MATN2: variants seen among roughly 807,000 people sequenced by gnomAD.
The protein encoded by MATN2 is matrilin 2.
A neutral mutation model predicts 103.2 loss-of-function variants in MATN2; 69 were observed. The observed-to-expected ratio is 0.67, with a 90% CI of 0.55 to 0.82. MATN2 has a LOEUF of 0.82. Among genes scored for constraint, MATN2 ranks in the 40% least tolerant of loss-of-function variants. MATN2 has a pLI of 0.00. For synonymous variants in MATN2, 429 were observed against 450.2 expected (o/e 0.95, Z 0.60); for missense variants, 1,023 against 1,211.5 (o/e 0.84, Z 2.31).
At chr8:98,002,476 G>A (rs1812821195) in intron 7 of MATN2, among the ~76,000 whole-genome samples, 1 of 152,222 alleles carries the variant, frequency 6.6e-6, no homozygotes, top group Non-Finnish European at 1.5e-5. Context: ...ACTGTCAGAT[G>A]TCACTGTAGA....
chr8:97,985,713 C>T (rs949228078), intron 6 of MATN2, among the ~76,000 whole-genome samples: 2 of 152,126 alleles, frequency 1.3e-5, no homozygotes, highest in African/African-American at 4.8e-5. Context: ...ATACTACCGC[C>T]CAGAAAAAAC....
chr8:97,889,561 A>T (rs1215351141), intron 2 of MATN2, among the ~76,000 whole-genome samples: 7 of 150,262 alleles, frequency 4.7e-5, no homozygotes. Flanking sequence ...CTCCCACCAC[A>T]GCCTCTTGAG....
intron 7 of MATN2, among the ~76,000 whole-genome samples, chr8:97,999,448 T>C (rs1812709088): frequency 6.6e-6 from 1 of 152,228 alleles, no homozygotes. Flanking sequence ...CTTTCCCTGA[T>C]GGTGTAATGG....
Position 97,931,509 on chromosome 8 carries a change from G to A in MATN2, c.699G>A (p.Gln233=), listed in dbSNP as rs368966602. The A allele has an allele frequency of 3.7e-6, 6 of 1,606,856 alleles. No homozygotes were observed. The highest frequency in any genetic ancestry group is 5.1e-6 in the Non-Finnish European group (6 of 1,176,948). Residue 233 remains glutamine (Q), a synonymous_variant, in exon 3 of 19, where the codon CAG becomes CAA. Coordinates refer to ENST00000254898, the MANE Select transcript of MATN2 (RefSeq NM_002380.5). The surrounding 1 kb of genome is among the most constrained non-coding windows in gnomAD (Gnocchi z 4.1). ...TTGAGACGCTGACCTCCGTGTTCCA[G>A]AAGAAGTTGTGCAGTAAGTCCTGCT... The part of the protein sequence containing the change: ...SQIETLTSVF[Q]KKLCTAHMCS...
chr8:98,014,925 A>T lies in MATN2; in HGVS notation c.1574-1615A>T, dbSNP rs190834913. ...CATGTCCATTTTAGAAATTCTACTC[A>T]ATCTGAAAGGATTGAGTTAACTTTC... On this transcript the variant is annotated intron_variant, in intron 10 of 18. Coordinates refer to ENST00000254898, the MANE Select transcript of MATN2 (RefSeq NM_002380.5). Among the ~76,000 whole-genome samples the T allele has an allele frequency of 3.3e-5, 5 of 152,300 alleles. No homozygotes were observed. The East Asian group carries it at 9.6e-4, about 29-fold the overall frequency.
rs376658286 is a variant in MATN2, at chr8:97,994,530, A to G, written c.1132A>G (p.Asn378Asp). Residue 378 changes from asparagine to aspartate, a missense_variant, in exon 7 of 19, where the codon AAC becomes GAC. Asn to Asp is a conservative substitution (Grantham distance 23). Coordinates refer to ENST00000254898, the MANE Select transcript of MATN2 (RefSeq NM_002380.5). ...SNHGCQHECV[N>D]TDDSYSCHCL... ...TCACGGATGTCAGCACGAGTGTGTTAACACAGATGATTCCTATTCCTGCCA... is the reference window on the plus strand; with the variant it reads ...TCACGGATGTCAGCACGAGTGTGTTGACACAGATGATTCCTATTCCTGCCA... The G allele has an allele frequency of 2.1e-5, 34 of 1,613,456 alleles. No individual in the cohort carries two copies. The African/African-American group carries it at 4.3e-4, about 20-fold the overall frequency.
intron 1 of MATN2, among the ~76,000 whole-genome samples, chr8:97,880,004 T>C (rs927716498): frequency 1.1e-4 from 17 of 152,114 alleles, no homozygotes; most frequent in African/African-American, 3.6e-4. Context: ...TGTGCATACC[T>C]GGTATGCTGA....
At chr8:97,891,237 G>C (rs1035397211) in intron 2 of MATN2, among the ~76,000 whole-genome samples, 4 of 152,214 alleles carry the variant, frequency 2.6e-5, no homozygotes, top group African/African-American at 9.7e-5. Context: ...CTACATTATA[G>C]CTCAACTCTG....
At chr8:97,975,446 T>C (rs1283285894) in intron 5 of MATN2, among the ~76,000 whole-genome samples, 1 of 152,232 alleles carries the variant, frequency 6.6e-6, no homozygotes, top group African/African-American at 2.4e-5. Flanking sequence ...AGCATAATTA[T>C]GGGATATCCC....
At chr8:97,932,387 G>A (rs1810227890) in intron 3 of MATN2, among the ~76,000 whole-genome samples, 1 of 152,138 alleles carries the variant, frequency 6.6e-6, no homozygotes, top group Non-Finnish European at 1.5e-5. Flanking sequence ...GTATACAGAG[G>A]ACCAAGGTGT....
At chr8:97,920,277 G>A (rs1377780751) in intron 2 of MATN2, among the ~76,000 whole-genome samples, 2 of 152,116 alleles carry the variant, frequency 1.3e-5, no homozygotes, top group African/African-American at 2.4e-5. Context: ...GCGTGATCTC[G>A]ACTCACTGCA....
chr8:98,027,179 C>T lies in MATN2; in HGVS notation c.1943-237C>T, dbSNP rs77954575. ...GTTTCCTAGACAATTGTATATCTGC[C>T]GTTTTGCTTGTGAAAAATACTATTT... On this transcript the variant is annotated intron_variant, in intron 13 of 18. Transcript: ENST00000254898. Among the ~76,000 whole-genome samples, 1,302 of 151,954 alleles carry T rather than the reference C, an allele frequency of 8.6e-3. 20 individuals are homozygous for T. Among genetic ancestry groups the T allele is most frequent in the African/African-American group, 0.03 (1,237 of 41,440 alleles).
At chr8:97,954,213 C>T (rs1166665163) in intron 4 of MATN2, among the ~76,000 whole-genome samples, 2 of 152,146 alleles carry the variant, frequency 1.3e-5, no homozygotes, top group Admixed American at 1.3e-4. Context: ...TCCTGCCCTC[C>T]CCCAGTGGTG....
At position 97,994,568 on chromosome 8, in the gene MATN2, C is replaced by T. The variant is rs770219318; in HGVS notation, c.1170C>T (p.Gly390=). The T allele has an allele frequency of 1.3e-4, 205 of 1,613,460 alleles. No individual in the cohort carries two copies. The highest frequency in any genetic ancestry group is 1.6e-4 in the Middle Eastern group (1 of 6,082). The change falls in exon 7 of 19, where the codon GGC becomes GGT. Residue 390 remains glycine (G), a synonymous_variant. Transcript: ENST00000254898. ...CCTATTCCTGCCACTGCCTGAAAGG[C>T]TTTACCCTGAATCCAGATAAGAAAA... ...DDSYSCHCLK[G]FTLNPDKKTC...
chr8:97,978,661 G>A (rs1393309829), intron 5 of MATN2, among the ~76,000 whole-genome samples: 3 of 152,106 alleles, frequency 2.0e-5, no homozygotes, highest in Non-Finnish European at 4.4e-5. Context: ...TTGTTCACAT[G>A]TTCTTTAGTT....
chr8:97,922,248 C>T (rs571461713), intron 2 of MATN2, among the ~76,000 whole-genome samples: 35 of 152,246 alleles, frequency 2.3e-4, no homozygotes, highest in Middle Eastern at 3.4e-3. Context: ...GGATCCATAC[C>T]GCTTTCACGG....
At chr8:98,018,908 T>C (rs894051084) in intron 12 of MATN2, among the ~76,000 whole-genome samples, 1 of 152,048 alleles carries the variant, frequency 6.6e-6, no homozygotes, top group Non-Finnish European at 1.5e-5. Context: ...ATTATTTTTA[T>C]CATTTGCTTC....
intron 2 of MATN2, among the ~76,000 whole-genome samples, chr8:97,896,784 G>A (rs971383228): frequency 6.7e-5 from 10 of 150,228 alleles, no homozygotes; most frequent in African/African-American, 1.5e-4. Flanking sequence ...GTGGGATCAG[G>A]CAACATAGTA....
At chr8:98,034,300 C>G in intron 18 of MATN2, 1 of 414,416 alleles carries the variant, frequency 2.4e-6, no homozygotes, top group South Asian at 1.7e-5. Context: ...AAAGAGGATT[C>G]GGTGCTTTTA....
Sources: allele counts gnomAD v4.1 joint callset (sites outside exome capture counted in the v4.1 genomes callset), GRCh38; gene constraint gnomAD v4.1.1; non-coding constraint Gnocchi (gnomAD v3.1); transcripts MANE v1.5; gene names NCBI Gene and HGNC (gene_info 2026-07-23, HGNC 2026-07-21).